Variants in CSMD1 observed in about 807,000 individuals in gnomAD.
CSMD1 encodes CUB and Sushi multiple domains 1, also known as CUB and sushi domain-containing protein 1.
CSMD1 carries 213 observed loss-of-function variants against 417.5 expected under a neutral mutation model. The ratio of observed to expected loss-of-function variants is 0.51; its 90% CI spans 0.46 to 0.57. The LOEUF (loss-of-function observed/expected upper bound fraction) is 0.57, where lower values mean the gene tolerates loss of function less well. Among genes scored for constraint, CSMD1 ranks in the 20% least tolerant of loss-of-function variants. CSMD1 has a pLI of 0.00. For synonymous variants in CSMD1, 2,862 were observed against 1,736.8 expected (o/e 1.65, Z -16.11); for missense variants, 6,923 against 4,529.7 (o/e 1.53, Z -15.17).
intron 6 of CSMD1, among the ~76,000 whole-genome samples, chr8:3,747,545 T>A (rs1797121435): frequency 1.3e-5 from 2 of 152,108 alleles, no homozygotes; most frequent in Non-Finnish European, 1.5e-5. Context: ...ATCCATGTCG[T>A]TACATGTAGA....
At chr8:4,251,380 C>A (rs1490234614) in intron 3 of CSMD1, among the ~76,000 whole-genome samples, 2 of 152,086 alleles carry the variant, frequency 1.3e-5, no homozygotes, top group African/African-American at 2.4e-5. Flanking sequence ...TATTTAAAAG[C>A]TTTGATGTCC....
At chr8:4,840,446 T>C (rs1800777107) in intron 1 of CSMD1, among the ~76,000 whole-genome samples, 1 of 152,222 alleles carries the variant, frequency 6.6e-6, no homozygotes, top group Admixed American at 6.5e-5. Context: ...TATAGTCAGT[T>C]CTGAAAACAT....
At chr8:4,342,432 A>T (rs1404789017) in intron 3 of CSMD1, among the ~76,000 whole-genome samples, 2 of 152,070 alleles carry the variant, frequency 1.3e-5, no homozygotes, top group African/African-American at 4.8e-5. Context: ...AACTGTTGAA[A>T]ACTATTCTGG....
At chr8:3,642,982 T>C (rs1797380645) in intron 7 of CSMD1, among the ~76,000 whole-genome samples, 1 of 151,786 alleles carries the variant, frequency 6.6e-6, no homozygotes, top group Non-Finnish European at 1.5e-5. Flanking sequence ...GGACACAGAA[T>C]TAATAAATTA....
In CSMD1 at chr8:4,764,885, A is replaced by ACAAACAAAAAAACAAAACAAAAC. The variant is rs1263324929; in HGVS notation, c.86-127328_86-127327insGTTTTGTTTTGTTTTTTTGTTTG. On this transcript the variant is annotated intron_variant, in intron 1 of 69. Transcript: ENST00000635120. ...GAGACTCCATCTCAAAAAAAAAAAA[A>ACAAACAAAAAAACAAAACAAAAC]AAAAAAAAACAACAACAACAAAAAA... Among the ~76,000 whole-genome samples the ACAAACAAAAAAACAAAACAAAAC allele has an allele frequency of 4.0e-5, 3 of 74,788 alleles. 1 individual carries two copies. The highest frequency in any genetic ancestry group is 7.0e-4 in the East Asian group (2 of 2,860). 49.1% of individuals were successfully genotyped at this position (74,788 alleles called of 152,430 possible). A position where few individuals can be genotyped will look rare whatever the true frequency, so the allele number is the denominator to read the frequency against.
At chr8:2,978,500 G>C in intron 55 of CSMD1, 112 bp downstream of exon 55, 1 of 801,046 alleles carries the variant, frequency 1.2e-6, no homozygotes, top group Non-Finnish European at 1.9e-6. Context: ...TTGGTGATGG[G>C]AGGACAGAAG....
chr8:3,557,831 A>G (rs1263155333), intron 10 of CSMD1, among the ~76,000 whole-genome samples: 1 of 152,168 alleles, frequency 6.6e-6, no homozygotes, highest in African/African-American at 2.4e-5. Flanking sequence ...TAGCATTATC[A>G]CCCTTTACTC....
chr8:3,496,158 G>A (rs999999924), intron 10 of CSMD1, among the ~76,000 whole-genome samples: 1 of 152,256 alleles, frequency 6.6e-6, no homozygotes, highest in Admixed American at 6.5e-5. Context: ...AACATGCGGT[G>A]TTTGGTTTTC....
intron 1 of CSMD1, among the ~76,000 whole-genome samples, chr8:4,837,805 T>C (rs1171781241): frequency 6.6e-6 from 1 of 152,180 alleles, no homozygotes; most frequent in Admixed American, 6.5e-5. Context: ...GATGGATATA[T>C]CGTTCCCCAT....
intron 1 of CSMD1, among the ~76,000 whole-genome samples, chr8:4,855,879 G>A (rs1473421120): frequency 4.0e-5 from 6 of 150,196 alleles, no homozygotes; most frequent in Non-Finnish European, 7.4e-5. Context: ...ATCTAGCAAG[G>A]CAGGCCAACG....
intron 2 of CSMD1, among the ~76,000 whole-genome samples, chr8:4,445,682 C>G (rs1798742576): frequency 6.6e-6 from 1 of 152,124 alleles, no homozygotes; most frequent in African/African-American, 2.4e-5. Context: ...ATTACATTGT[C>G]ACTTTCCCAC....
At chr8:4,402,821 C>CTTT (rs1396591610) in intron 3 of CSMD1, among the ~76,000 whole-genome samples, 20 of 66,350 alleles carry the variant, frequency 3.0e-4, no homozygotes, top group South Asian at 5.6e-4. Context: ...TTTTTTTTTT[C>CTTT]TTTTTTTTTT....
At chr8:3,274,729 T>C (rs1230085450) in intron 26 of CSMD1, among the ~76,000 whole-genome samples, 3 of 152,198 alleles carry the variant, frequency 2.0e-5, no homozygotes, top group Non-Finnish European at 2.9e-5. Flanking sequence ...AAGTCTGTTT[T>C]ATGAGAGACT....
chr8:3,721,321 T>G (rs1196030522), intron 6 of CSMD1, among the ~76,000 whole-genome samples: 1 of 151,930 alleles, frequency 6.6e-6, no homozygotes, highest in Non-Finnish European at 1.5e-5. Context: ...TGTAAGTGAG[T>G]GTGTGTGGCT....
At chr8:3,619,443 T>C (rs1802309915) in intron 7 of CSMD1, among the ~76,000 whole-genome samples, 1 of 151,626 alleles carries the variant, frequency 6.6e-6, no homozygotes, top group South Asian at 2.1e-4. Flanking sequence ...ATTCAAAGGG[T>C]CGAAATAAAT....
intron 5 of CSMD1, among the ~76,000 whole-genome samples, chr8:3,890,754 G>A (rs139850885): frequency 1.3e-5 from 2 of 152,182 alleles, no homozygotes; most frequent in Admixed American, 1.3e-4. Flanking sequence ...TGGCTCTGTT[G>A]TCTGTGCTAA....
At chr8:4,958,742 G>C (rs933468702) in intron 1 of CSMD1, among the ~76,000 whole-genome samples, 9 of 151,568 alleles carry the variant, frequency 5.9e-5, no homozygotes, top group South Asian at 2.1e-4. Context: ...TTTTATATAA[G>C]TCATCAGTAA....
At chr8:4,666,348 A>G (rs537349721) in intron 1 of CSMD1, among the ~76,000 whole-genome samples, 1 of 152,304 alleles carries the variant, frequency 6.6e-6, no homozygotes, top group African/African-American at 2.4e-5. Flanking sequence ...GGCTTTTAAC[A>G]TGGAAGAGGG....
At chr8:4,102,141 C>G (rs1212755975) in intron 3 of CSMD1, among the ~76,000 whole-genome samples, 1 of 152,110 alleles carries the variant, frequency 6.6e-6, no homozygotes. Flanking sequence ...CAAAAACAAC[C>G]TCAAATCATG....
Sources: allele counts gnomAD v4.1 joint callset (sites outside exome capture counted in the v4.1 genomes callset), GRCh38; gene constraint gnomAD v4.1.1; transcripts MANE v1.5; gene names NCBI Gene and HGNC (gene_info 2026-07-23, HGNC 2026-07-21).